Variants in CRIM1 observed in about 807,000 individuals in gnomAD.
CRIM1 encodes cysteine rich transmembrane BMP regulator 1, also known as cysteine-rich motor neuron 1 protein.
Under a neutral mutation model 116.4 loss-of-function variants are expected in CRIM1, and 32 were observed. That is an observed-to-expected ratio of 0.27 (90% confidence interval 0.21 to 0.37). The LOEUF is 0.37. Among genes scored for constraint, CRIM1 ranks in the 10% least tolerant of loss-of-function variants. The pLI, the probability that CRIM1 is intolerant of heterozygous loss-of-function variation, is 1.00. For missense variants in CRIM1, 1,331 were observed against 1,354.8 expected (o/e 0.98, Z 0.28); for synonymous variants, 590 against 509.2 (o/e 1.16, Z -2.13).
chr2:36,544,231 A>G, intron 14 of CRIM1, 145 bp from the exon 15 acceptor site: 1 of 585,606 alleles, frequency 1.7e-6, no homozygotes, highest in Non-Finnish European at 2.6e-6. Flanking sequence ...AGCATGAGTG[A>G]TGAATGATGT....
chr2:36,409,375 TC>T (rs1286343212), intron 2 of CRIM1, among the ~76,000 whole-genome samples: 1 of 152,182 alleles, frequency 6.6e-6, no homozygotes, highest in Non-Finnish European at 1.5e-5. Context: ...TCTGCCAGCA[TC>T]CCCACATTTT....
chr2:36,495,614 A>G (rs1430743953), intron 7 of CRIM1, among the ~76,000 whole-genome samples: 1 of 151,670 alleles, frequency 6.6e-6, no homozygotes, highest in Non-Finnish European at 1.5e-5. Flanking sequence ...GCTCTTGGTC[A>G]TTATTCTTTA....
intron 1 of CRIM1, among the ~76,000 whole-genome samples, chr2:36,375,747 A>G (rs540016780): frequency 7.9e-5 from 12 of 152,218 alleles, no homozygotes; most frequent in Non-Finnish European, 1.6e-4. Context: ...CACTTTCACA[A>G]ATACTTTTTG....
rs1478001024 is a variant in CRIM1, at chr2:36,427,976, C to T, written c.506-13282C>T. ...GGTTGCTCTTCTGACCTTTCTTAGC[C>T]ACTCCACTAATAAAGGGTTATTTTT... On this transcript the variant is annotated intron_variant, in intron 2 of 16. Coordinates refer to ENST00000280527, the MANE Select transcript of CRIM1 (RefSeq NM_016441.3). Among the ~76,000 whole-genome samples the T allele has an allele frequency of 1.1e-4, 16 of 152,214 alleles. 1 individual carries two copies. Among genetic ancestry groups the T allele is most frequent in the Admixed American group, 7.8e-4 (12 of 15,290 alleles).
chr2:36,357,196 G>A (rs1668901843), intron 1 of CRIM1, among the ~76,000 whole-genome samples: 1 of 152,136 alleles, frequency 6.6e-6, no homozygotes, highest in African/African-American at 2.4e-5. Flanking sequence ...TTTCAGCCGC[G>A]GAATATGTCA....
At chr2:36,440,615 C>T (rs1262826102) in intron 2 of CRIM1, among the ~76,000 whole-genome samples, 1 of 152,168 alleles carries the variant, frequency 6.6e-6, no homozygotes, top group Non-Finnish European at 1.5e-5. Context: ...TAATATTAGA[C>T]AGAGGGGAAT....
chr2:36,513,516 A>G (rs1664830523), intron 10 of CRIM1, 40 bp from the exon 11 acceptor site: 21 of 1,541,980 alleles, frequency 1.4e-5, no homozygotes, highest in Non-Finnish European at 1.9e-5. Flanking sequence ...TCTCCTGTGC[A>G]GTAGCCACTT....
intron 8 of CRIM1, among the ~76,000 whole-genome samples, chr2:36,507,837 G>C (rs911248736): frequency 6.6e-6 from 1 of 152,196 alleles, no homozygotes; most frequent in African/African-American, 2.4e-5. Flanking sequence ...CTTTATTGCA[G>C]GACCAGAAAA....
chr2:36,366,395 C>G (rs1669605330), intron 1 of CRIM1, among the ~76,000 whole-genome samples: 1 of 151,786 alleles, frequency 6.6e-6, no homozygotes, highest in South Asian at 2.1e-4. Flanking sequence ...GAACATTTGT[C>G]TTCTGAATAT....
At chr2:36,443,423 T>C (rs1237833223) in intron 4 of CRIM1, among the ~76,000 whole-genome samples, 2 of 152,192 alleles carry the variant, frequency 1.3e-5, no homozygotes, top group Non-Finnish European at 2.9e-5. Flanking sequence ...AGACTGTTCT[T>C]GGAAATGTAG....
intron 7 of CRIM1, among the ~76,000 whole-genome samples, chr2:36,498,638 A>G (rs1006081899): frequency 8.5e-5 from 13 of 152,120 alleles, no homozygotes; most frequent in African/African-American, 1.2e-4. Flanking sequence ...TGCTCCCACA[A>G]GTCTCTGGGC....
In CRIM1 at chr2:36,549,678, C is replaced by T. The variant is rs1456956492; in HGVS notation, c.*977C>T. On this transcript the variant is annotated 3_prime_UTR_variant, in exon 17 of 17. Coordinates refer to ENST00000280527, the MANE Select transcript of CRIM1 (RefSeq NM_016441.3). The stretch of plus-strand genomic sequence containing the variant: ...TCTTTTTCCTTATTATATACTGATT[C>T]TACAAAATAGAAACTACTTCATTTT... 1 of 152,304 alleles carries T rather than the reference C, an allele frequency of 6.6e-6. No individual in the cohort carries two copies. The highest frequency in any genetic ancestry group is 1.5e-5 in the Non-Finnish European group (1 of 67,960). The allele number at this position is 152,304 out of a possible 1,614,324, so 9.4% of individuals were successfully genotyped here.
intron 5 of CRIM1, among the ~76,000 whole-genome samples, chr2:36,476,105 C>G (rs1173523156): frequency 2.0e-5 from 3 of 151,610 alleles, no homozygotes; most frequent in Non-Finnish European, 2.9e-5. Flanking sequence ...GAGAGTGTTT[C>G]AAGGCAGAGA....
intron 2 of CRIM1, among the ~76,000 whole-genome samples, chr2:36,406,018 G>C (rs940657074): frequency 2.6e-5 from 4 of 152,104 alleles, no homozygotes; most frequent in Non-Finnish European, 5.9e-5. Context: ...AAAACTTTAT[G>C]TCTATGGATT....
Position 36,473,747 on chromosome 2 carries a change from T to C in CRIM1, c.992-3142T>C, listed in dbSNP as rs568874240. On this transcript the variant is annotated intron_variant, in intron 5 of 16. Coordinates refer to ENST00000280527, the MANE Select transcript of CRIM1 (RefSeq NM_016441.3). ...CACGTAATATTTTATTGTATAGATATACTACTTTTTGTTTATATATCAGTT... is the reference window on the plus strand; with the variant it reads ...CACGTAATATTTTATTGTATAGATACACTACTTTTTGTTTATATATCAGTT... 7.9e-5 allele frequency among the ~76,000 whole-genome samples: 12 copies of C among 152,348 alleles called. No individual in the cohort carries two copies. The South Asian group carries it at 2.5e-3, about 32-fold the overall frequency.
At chr2:36,524,390 G>T (rs1665614950) in intron 13 of CRIM1, among the ~76,000 whole-genome samples, 1 of 152,176 alleles carries the variant, frequency 6.6e-6, no homozygotes, top group South Asian at 2.1e-4. Flanking sequence ...TTCAGGCTGG[G>T]TAAGGGGAAA....
intron 5 of CRIM1, among the ~76,000 whole-genome samples, chr2:36,469,473 C>T (rs1184141099): frequency 6.6e-6 from 1 of 152,144 alleles, no homozygotes; most frequent in African/African-American, 2.4e-5. Context: ...TTTATTCAGG[C>T]ATATACGAAA....
chr2:36,404,995 G>A (rs959152576), intron 2 of CRIM1, among the ~76,000 whole-genome samples: 10 of 151,496 alleles, frequency 6.6e-5, no homozygotes, highest in African/African-American at 2.2e-4. Context: ...TTTTATTCTC[G>A]ATTGTTACCT....
chr2:36,527,463 T>TTGTG (rs1160739594), intron 13 of CRIM1, among the ~76,000 whole-genome samples: 3 of 152,204 alleles, frequency 2.0e-5, no homozygotes, highest in Non-Finnish European at 2.9e-5. Flanking sequence ...TTAGCTTGTG[T>TTGTG]TGTGACTGTA....
Sources: allele counts gnomAD v4.1 joint callset (sites outside exome capture counted in the v4.1 genomes callset), GRCh38; gene constraint gnomAD v4.1.1; transcripts MANE v1.5; gene names NCBI Gene and HGNC (gene_info 2026-07-23, HGNC 2026-07-21).